The following CDK14 variants were observed in gnomAD, a reference collection of about 807,000 sequenced individuals.
CDK14 encodes the protein cyclin dependent kinase 14.
Under a neutral mutation model 60.7 loss-of-function variants are expected in CDK14, and 34 were observed. That is an observed-to-expected ratio of 0.56 (90% confidence interval 0.43 to 0.75). The LOEUF (loss-of-function observed/expected upper bound fraction) is 0.75, where lower values mean the gene tolerates loss of function less well. Ranked by LOEUF, CDK14 falls within the 30% of genes least tolerant of loss-of-function variation. The pLI, the probability that CDK14 is intolerant of heterozygous loss-of-function variation, is 0.00. For synonymous variants in CDK14, 197 were observed against 203.7 expected (o/e 0.97, Z 0.28); for missense variants, 482 against 564.1 (o/e 0.85, Z 1.47).
At chr7:90,700,823 T>C (rs1356971463) in intron 2 of CDK14, among the ~76,000 whole-genome samples, 1 of 152,218 alleles carries the variant, frequency 6.6e-6, no homozygotes, top group Non-Finnish European at 1.5e-5. Flanking sequence ...ACCTTTTCTA[T>C]GACAATTATT....
chr7:90,829,041 G>A (rs953167508), intron 5 of CDK14, among the ~76,000 whole-genome samples: 1 of 152,310 alleles, frequency 6.6e-6, no homozygotes, highest in African/African-American at 2.4e-5. Flanking sequence ...ATGGCAGCAG[G>A]AGAGAGAAAC....
At chr7:91,125,747 A>G (rs1320859148) in intron 14 of CDK14, among the ~76,000 whole-genome samples, 1 of 152,198 alleles carries the variant, frequency 6.6e-6, no homozygotes, top group African/African-American at 2.4e-5. Flanking sequence ...CCTGTATGCT[A>G]AGCATGGAAT....
chr7:90,776,898 C>T (rs756019380), intron 4 of CDK14, among the ~76,000 whole-genome samples: 10 of 151,812 alleles, frequency 6.6e-5, no homozygotes, highest in East Asian at 1.9e-4. Flanking sequence ...GAACCAGAAC[C>T]GAAGGAAATG....
rs1217085141 is a variant in CDK14 at position 91,207,501 on chromosome 7, A to G, written c.*365A>G. On this transcript the variant is annotated 3_prime_UTR_variant, in exon 15 of 15. Transcript: ENST00000380050. ...TTATGCTTTCACCAGCCATGTCTTA[A>G]ATACATTAAGACAACACATTTGGTG... 2.6e-5 allele frequency: 4 copies of G among 152,668 alleles called. No individual in the cohort carries two copies. Among genetic ancestry groups the G allele is most frequent in the Admixed American group, 1.3e-4 (2 of 15,284 alleles). The allele number at this position is 152,668 out of a possible 1,614,324, so 9.5% of individuals were successfully genotyped here.
chr7:90,991,977 A>G (rs991658452), intron 10 of CDK14, among the ~76,000 whole-genome samples: 3 of 152,236 alleles, frequency 2.0e-5, no homozygotes, highest in Non-Finnish European at 2.9e-5. Context: ...GTTCTATGAA[A>G]AGAAAAAGTC....
At chr7:91,169,119 C>CT (rs1246216871) in intron 14 of CDK14, among the ~76,000 whole-genome samples, 1 of 152,238 alleles carries the variant, frequency 6.6e-6, no homozygotes, top group Non-Finnish European at 1.5e-5. Context: ...CTATGGTCTG[C>CT]TACACACATG....
At chr7:90,765,186 G>T (rs1182168173) in intron 4 of CDK14, among the ~76,000 whole-genome samples, 1 of 152,170 alleles carries the variant, frequency 6.6e-6, no homozygotes, top group African/African-American at 2.4e-5. Context: ...GAGTCCCAAA[G>T]GAAGCCAGAT....
intron 1 of CDK14, among the ~76,000 whole-genome samples, chr7:90,600,919 ACAGT>A (rs968245329): frequency 1.3e-5 from 2 of 152,246 alleles, no homozygotes; most frequent in Non-Finnish European, 2.9e-5. Context: ...TATTGTTCTG[ACAGT>A]CAGATCGACT....
chr7:91,127,532 G>C (rs1214408866), intron 14 of CDK14, among the ~76,000 whole-genome samples: 2 of 152,084 alleles, frequency 1.3e-5, no homozygotes, highest in Non-Finnish European at 2.9e-5. Context: ...CCAGGGTTCC[G>C]GATTCACGTG....
intron 2 of CDK14, among the ~76,000 whole-genome samples, chr7:90,675,905 C>A (rs1176673322): frequency 6.6e-6 from 1 of 152,102 alleles, no homozygotes; most frequent in Non-Finnish European, 1.5e-5. Flanking sequence ...ACAGTCAAGG[C>A]AGGAAAGAAG....
At chr7:90,760,324 A>G (rs1804264460) in intron 4 of CDK14, among the ~76,000 whole-genome samples, 1 of 152,214 alleles carries the variant, frequency 6.6e-6, no homozygotes, top group African/African-American at 2.4e-5. Flanking sequence ...CTTGCACTAA[A>G]GGTCAAGTTC....
rs17163166 is a variant in CDK14 at position 90,772,209 on chromosome 7, G to T, written c.465-18364G>T. Among the ~76,000 whole-genome samples, 203 of 152,310 alleles carry T rather than the reference G, an allele frequency of 1.3e-3. 3 individuals are homozygous for T. In the East Asian group the frequency reaches 0.035, roughly 26 times the overall value. Reference sequence around the variant, plus strand: ...CACTGAACTGAATTCCAGCCAGGTAGGTTCTGCCTCCATGTGCCTGCCAGG... The same window carrying T: ...CACTGAACTGAATTCCAGCCAGGTATGTTCTGCCTCCATGTGCCTGCCAGG... On this transcript the variant is annotated intron_variant, in intron 4 of 14. Transcript: ENST00000380050.
chr7:90,920,412 A>G (rs995521603), intron 8 of CDK14, among the ~76,000 whole-genome samples: 3 of 152,226 alleles, frequency 2.0e-5, no homozygotes, highest in African/African-American at 4.8e-5. Context: ...ACTAAAATTT[A>G]TTGAGTTTAT....
intron 10 of CDK14, among the ~76,000 whole-genome samples, chr7:91,016,521 GAA>G (rs1399176979): frequency 6.6e-6 from 1 of 152,114 alleles, no homozygotes. Flanking sequence ...AACCTCTTTT[GAA>G]AGTGAGTTAT....
chr7:91,050,354 G>A (rs1430416381), intron 11 of CDK14, among the ~76,000 whole-genome samples: 1 of 151,970 alleles, frequency 6.6e-6, no homozygotes, highest in East Asian at 1.9e-4. Flanking sequence ...TGAATAAAAT[G>A]ACCTCCCTTT....
intron 14 of CDK14, among the ~76,000 whole-genome samples, chr7:91,146,353 A>C (rs1800638270): frequency 6.6e-6 from 1 of 152,142 alleles, no homozygotes; most frequent in African/African-American, 2.4e-5. Context: ...GGTGCCCACC[A>C]CCATGCCTGG....
chr7:90,638,912 G>C (rs894024676), intron 2 of CDK14, among the ~76,000 whole-genome samples: 4 of 151,694 alleles, frequency 2.6e-5, no homozygotes, highest in African/African-American at 9.7e-5. Flanking sequence ...CTTTCTTCCA[G>C]TTGATCGCAT....
At chr7:90,924,721 G>T (rs1366671350) in intron 8 of CDK14, among the ~76,000 whole-genome samples, 1 of 151,860 alleles carries the variant, frequency 6.6e-6, no homozygotes, top group African/African-American at 2.4e-5. Flanking sequence ...TTTAATTTGT[G>T]ATTTTAAACC....
intron 4 of CDK14, among the ~76,000 whole-genome samples, chr7:90,778,580 C>A (rs906973292): frequency 5.3e-5 from 8 of 152,146 alleles, no homozygotes; most frequent in Non-Finnish European, 1.0e-4. Context: ...TTTTTTGTAT[C>A]AGTCCTTTAT....
Sources: allele counts gnomAD v4.1 joint callset (sites outside exome capture counted in the v4.1 genomes callset), GRCh38; gene constraint gnomAD v4.1.1; transcripts MANE v1.5; gene names NCBI Gene and HGNC (gene_info 2026-07-23, HGNC 2026-07-21).